Variants in TSPAN15 observed in about 807,000 individuals in gnomAD.
The protein encoded by TSPAN15 is tetraspanin 15.
A neutral mutation model predicts 34.5 loss-of-function variants in TSPAN15; 20 were observed. That is an observed-to-expected ratio of 0.58 (90% CI 0.41 to 0.84). The LOEUF is 0.84. Among genes scored for constraint, TSPAN15 ranks in the 40% least tolerant of loss-of-function variants. The pLI is 0.00. For missense variants in TSPAN15, 313 were observed against 386.1 expected (o/e 0.81, Z 1.59); for synonymous variants, 155 against 153.9 (o/e 1.01, Z -0.05).
chr10:69,523,573 C>A, the TSPAN15 span: 1 of 319,136 alleles, frequency 3.1e-6, no homozygotes. Flanking sequence ...GTCATGTACC[C>A]GATAGGAAGC....
chr10:69,524,868 C>T, the TSPAN15 span, among the ~76,000 whole-genome samples: 10 of 146,996 alleles, frequency 6.8e-5, no homozygotes, highest in African/African-American at 2.2e-4. Context: ...GCAACCTCTG[C>T]CTCCCAGGTT....
chr10:69,486,008 C>T (rs1052902569), intron 3 of TSPAN15, among the ~76,000 whole-genome samples: 5 of 152,156 alleles, frequency 3.3e-5, no homozygotes, highest in East Asian at 1.9e-4. Context: ...TCGTGGCTCC[C>T]GGCTCCAGCT....
downstream of TSPAN15, among the ~76,000 whole-genome samples, chr10:69,511,431 A>G (rs903089713): frequency 6.6e-6 from 1 of 152,058 alleles, no homozygotes; most frequent in East Asian, 1.9e-4. Context: ...TATCCCTTTT[A>G]TCATTTTTTA....
intron 1 of TSPAN15, among the ~76,000 whole-genome samples, chr10:69,465,116 T>C (rs1328964385): frequency 6.6e-6 from 1 of 152,228 alleles, no homozygotes; most frequent in African/African-American, 2.4e-5. Flanking sequence ...CTCTGACAGC[T>C]GCAGACATTC....
At chr10:69,494,753 G>A in intron 3 of TSPAN15, 1 of 985,434 alleles carries the variant, frequency 1.0e-6, no homozygotes, top group Non-Finnish European at 1.2e-6. Context: ...CCGGAGCCGA[G>A]AATGCCCCCT....
chr10:69,459,022 G>A (rs190433892), intron 1 of TSPAN15, among the ~76,000 whole-genome samples: 2 of 147,994 alleles, frequency 1.4e-5, no homozygotes, highest in East Asian at 4.1e-4. Context: ...TGAAATTTCT[G>A]TACCAACTGG....
chr10:69,499,465 T>A (rs1241902216), intron 5 of TSPAN15, among the ~76,000 whole-genome samples: 3 of 152,160 alleles, frequency 2.0e-5, no homozygotes, highest in Non-Finnish European at 4.4e-5. Context: ...CGTGGGGTGA[T>A]CCTGAACCTC....
intron 1 of TSPAN15, among the ~76,000 whole-genome samples, chr10:69,466,346 C>T (rs1374765510): frequency 3.3e-5 from 5 of 152,020 alleles, no homozygotes; most frequent in South Asian, 4.2e-4. Context: ...CTCAGATTCC[C>T]GTCTGCAAAA....
At chr10:69,539,506 A>G in the TSPAN15 span, among the ~76,000 whole-genome samples, 403 of 82,618 alleles carry the variant, frequency 4.9e-3, 5 homozygotes, top group African/African-American at 0.014. Flanking sequence ...GAAGAAGAAG[A>G]AGAAGAAGAA....
chr10:69,545,083 C>A, the TSPAN15 span, among the ~76,000 whole-genome samples: 1 of 152,170 alleles, frequency 6.6e-6, no homozygotes, highest in Non-Finnish European at 1.5e-5. Context: ...AACTGGGGGT[C>A]CCGCCTGCTT....
rs1842356505 is a variant in TSPAN15, at chr10:69,507,432, G to A, written c.*454G>A. On this transcript the variant is annotated 3_prime_UTR_variant, in exon 8 of 8. Transcript: ENST00000373290. ...AGGGAAGAGCTGTCCATGCAGCCAC[G>A]CCCATGGCCAGGTTGGCCTCTTCTC... 6 of 1,282,918 alleles carry A rather than the reference G, an allele frequency of 4.7e-6. No homozygotes were observed. Among genetic ancestry groups the A allele is most frequent in the Middle Eastern group, 2.2e-4 (1 of 4,538 alleles). The allele number at this position is 1,282,918 out of a possible 1,614,324, so 79.5% of individuals were successfully genotyped here.
At chr10:69,549,068 G>A in the TSPAN15 span, among the ~76,000 whole-genome samples, 1 of 151,226 alleles carries the variant, frequency 6.6e-6, no homozygotes, top group East Asian at 1.9e-4. Context: ...ATAAAATCAA[G>A]CACTCAATGA....
chr10:69,527,211 T>C, the TSPAN15 span, among the ~76,000 whole-genome samples: 4 of 148,050 alleles, frequency 2.7e-5, 1 homozygote, highest in South Asian at 8.5e-4. Context: ...GTGTCCAAAC[T>C]TTTGGCTTCC....
chr10:69,534,095 G>A, the TSPAN15 span, among the ~76,000 whole-genome samples: 1 of 152,188 alleles, frequency 6.6e-6, no homozygotes, highest in African/African-American at 2.4e-5. Context: ...TAAGTTAGAA[G>A]TGAAAGAAAA....
intron 1 of TSPAN15, among the ~76,000 whole-genome samples, chr10:69,453,496 G>A (rs562398487): frequency 1.6e-3 from 248 of 152,226 alleles, no homozygotes; most frequent in East Asian, 4.8e-3. Flanking sequence ...GGGGAGGTAG[G>A]AAGATGGAGT....
At chr10:69,522,550 G>A in the TSPAN15 span, among the ~76,000 whole-genome samples, 1 of 146,438 alleles carries the variant, frequency 6.8e-6, no homozygotes, top group Admixed American at 7.1e-5. Flanking sequence ...CTGGTCCATG[G>A]TCTATTAGGA....
chr10:69,516,894 C>T, the TSPAN15 span, among the ~76,000 whole-genome samples: 18 of 152,264 alleles, frequency 1.2e-4, no homozygotes, highest in Admixed American at 7.2e-4. Flanking sequence ...TAAGCAGGTG[C>T]CAACCCAGGG....
chr10:69,530,299 C>A, the TSPAN15 span, among the ~76,000 whole-genome samples: 2 of 147,580 alleles, frequency 1.4e-5, no homozygotes, highest in Non-Finnish European at 3.0e-5. Context: ...CTAGTGTGGG[C>A]CCAGGAGATA....
chr10:69,511,075 A>G (rs541508614), downstream of TSPAN15, among the ~76,000 whole-genome samples: 12 of 152,242 alleles, frequency 7.9e-5, no homozygotes, highest in African/African-American at 2.9e-4. Context: ...TGGTATCAGG[A>G]TGATGCTGGC....
Sources: gnomAD v4.1 joint callset for allele counts (sites outside exome capture counted in the v4.1 genomes callset) on GRCh38, gnomAD v4.1.1 for gene constraint, MANE v1.5 for transcripts, NCBI Gene and HGNC (gene_info 2026-07-23, HGNC 2026-07-21) for gene names.